The following GRAMD2A variants were observed in gnomAD, a reference collection of about 807,000 sequenced individuals.
GRAMD2A encodes GRAM domain containing 2A.
GRAMD2A carries 37 observed loss-of-function variants against 51.1 expected under a neutral mutation model. That is an observed-to-expected ratio of 0.72 (90% CI 0.56 to 0.95). GRAMD2A has a LOEUF of 0.95. GRAMD2A is among the 40% of genes least tolerant of loss of function. The pLI, the probability that GRAMD2A is intolerant of heterozygous loss-of-function variation, is 0.00. For synonymous variants in GRAMD2A, 136 were observed against 157.1 expected (o/e 0.87, Z 1.01); for missense variants, 414 against 426.9 (o/e 0.97, Z 0.27).
chr15:72,168,654 C>A (rs2081575730), intron 3 of GRAMD2A, 88 bp from the exon 4 acceptor site: 1 of 1,127,730 alleles, frequency 8.9e-7, no homozygotes, highest in Non-Finnish European at 1.4e-6. Context: ...ATGCCACAGC[C>A]CCCCGGCCCA....
chr15:72,173,397 TACTC>T (rs1442115879), intron 1 of GRAMD2A, among the ~76,000 whole-genome samples: 8 of 152,266 alleles, frequency 5.3e-5, no homozygotes, highest in Non-Finnish European at 1.2e-4. Context: ...CTGCTTCAGA[TACTC>T]ACTCACAGCA....
chr15:72,189,512 T>C (rs528289291), intron 1 of GRAMD2A, among the ~76,000 whole-genome samples: 1 of 152,366 alleles, frequency 6.6e-6, no homozygotes, highest in African/African-American at 2.4e-5. Flanking sequence ...TGTGGTATTT[T>C]ATAAAATTGA....
At chr15:72,186,483 C>CTTGCTT (rs2081735004) in intron 1 of GRAMD2A, among the ~76,000 whole-genome samples, 2 of 152,044 alleles carry the variant, frequency 1.3e-5, no homozygotes, top group Non-Finnish European at 2.9e-5. Context: ...TGCCACCACG[C>CTTGCTT]CCGGATAATT....
At chr15:72,177,661 A>C (rs1596691388) in intron 1 of GRAMD2A, among the ~76,000 whole-genome samples, 1 of 152,234 alleles carries the variant, frequency 6.6e-6, no homozygotes, top group East Asian at 1.9e-4. Context: ...TGTGCATGCA[A>C]GTATTCACTT....
At chr15:72,173,232 G>T (rs926639455) in intron 1 of GRAMD2A, among the ~76,000 whole-genome samples, 6 of 152,184 alleles carry the variant, frequency 3.9e-5, no homozygotes, top group Non-Finnish European at 5.9e-5. Context: ...CTTAGAAACT[G>T]GGTATAATTA....
At chr15:72,193,690 T>A (rs1312436865) in intron 1 of GRAMD2A, among the ~76,000 whole-genome samples, 1 of 151,516 alleles carries the variant, frequency 6.6e-6, no homozygotes, top group East Asian at 1.9e-4. Context: ...GCCTGGCTAA[T>A]TTTTTTTCTG....
chr15:72,170,353 G>A lies in GRAMD2A; in HGVS notation c.42-414C>T, dbSNP rs2081598172. On this transcript the variant is annotated intron_variant, in intron 1 of 11. Coordinates refer to ENST00000309731, the MANE Select transcript of GRAMD2A (RefSeq NM_001012642.3). This position sits in a 1 kb window ranked among gnomAD's most constrained non-coding sequence, Gnocchi z 4.5. ...TCCAAAGTACCCGCGCAGCATGACT[G>A]TAAACCATCAGGTTCCGGGAAAGTA... 1 of 458,352 alleles carries A rather than the reference G, an allele frequency of 2.2e-6. No individual in the cohort carries two copies. Among genetic ancestry groups the A allele is most frequent in the South Asian group, 1.5e-5 (1 of 64,580 alleles). 28.4% of individuals were successfully genotyped at this position (458,352 alleles called of 1,614,324 possible). A position where few individuals can be genotyped will look rare whatever the true frequency, so the allele number is the denominator to read the frequency against.
chr15:72,167,865 GC>G, intron 4 of GRAMD2A, 26 bp from the exon 5 acceptor site: 1 of 1,566,566 alleles, frequency 6.4e-7, no homozygotes, highest in Non-Finnish European at 8.8e-7. Flanking sequence ...AGAGAAAATG[GC>G]CATAAGCAAG....
At chr15:72,178,372 G>C (rs146486536) in intron 1 of GRAMD2A, among the ~76,000 whole-genome samples, 37 of 152,196 alleles carry the variant, frequency 2.4e-4, no homozygotes, top group African/African-American at 8.9e-4. Flanking sequence ...TGTCCTTCCC[G>C]AGAGACTCCC....
At chr15:72,180,196 A>G (rs1443604097) in intron 1 of GRAMD2A, among the ~76,000 whole-genome samples, 1 of 152,196 alleles carries the variant, frequency 6.6e-6, no homozygotes, top group Non-Finnish European at 1.5e-5. Flanking sequence ...AGGATTTCCT[A>G]CAAAGCATAG....
At chr15:72,163,894 C>T (rs1166646927) in intron 8 of GRAMD2A, 137 bp from the exon 9 acceptor site, 3 of 890,122 alleles carry the variant, frequency 3.4e-6, no homozygotes, top group East Asian at 5.4e-5. Flanking sequence ...GAAGCAGGTA[C>T]AAGCGAGGAG....
In GRAMD2A at chr15:72,171,226, T is replaced by G. The variant is rs188523417; in HGVS notation, c.42-1287A>C. Among the ~76,000 whole-genome samples, 13 of 152,286 alleles carry G rather than the reference T, an allele frequency of 8.5e-5. No homozygotes were observed. The East Asian group carries it at 2.1e-3, about 25-fold the overall frequency. On this transcript the variant is annotated intron_variant, in intron 1 of 11. Coordinates refer to ENST00000309731, the MANE Select transcript of GRAMD2A (RefSeq NM_001012642.3). ...GAAGTGACAGATTTTGCTAGAGATT[T>G]GACTCTCAAAGTTGATTTCTGGATT...
rs11296860 is a variant in GRAMD2A at position 72,160,333 on chromosome 15, C to CAAA, written c.*1673_*1675dup. 9.2e-6 allele frequency: 1 copy of CAAA among 109,104 alleles called. No individual in the cohort carries two copies. Among genetic ancestry groups the CAAA allele is most frequent in the African/African-American group, 3.4e-5 (1 of 29,356 alleles). The allele number at this position is 109,104 out of a possible 1,614,324, so 6.8% of individuals were successfully genotyped here. A position where few individuals can be genotyped will look rare whatever the true frequency, so the allele number is the denominator to read the frequency against. On this transcript the variant is annotated 3_prime_UTR_variant, in exon 12 of 12. Coordinates refer to ENST00000309731, the MANE Select transcript of GRAMD2A (RefSeq NM_001012642.3). Reference sequence around the variant, plus strand: ...ATGAAAGGGTGAAAGGGGCTGGTTCCAAAAAAAAAAAAAAAAAAAGGATGA... The same window carrying CAAA: ...ATGAAAGGGTGAAAGGGGCTGGTTCCAAAAAAAAAAAAAAAAAAAAAAGGATGA...
rs1418931240 is a variant in GRAMD2A, at chr15:72,170,426, AG to A, written c.42-488del. 1 of 455,936 alleles carries A rather than the reference AG, an allele frequency of 2.2e-6. No homozygotes were observed. Among genetic ancestry groups the A allele is most frequent in the African/African-American group, 2.0e-5 (1 of 50,068 alleles). The allele number at this position is 455,936 out of a possible 1,614,324, so 28.2% of individuals were successfully genotyped here. A position where few individuals can be genotyped will look rare whatever the true frequency, so the allele number is the denominator to read the frequency against. Reference sequence around the variant, plus strand: ...CAAAGCTCAGGAGCTGATGCGCTGAAGGTGTGGGAGGTGGACGCCCATCAGC... The same window carrying A: ...CAAAGCTCAGGAGCTGATGCGCTGAAGTGTGGGAGGTGGACGCCCATCAGC... On this transcript the variant is annotated intron_variant, in intron 1 of 11. Coordinates refer to ENST00000309731, the MANE Select transcript of GRAMD2A (RefSeq NM_001012642.3). The surrounding 1 kb of genome is among the most constrained non-coding windows in gnomAD (Gnocchi z 4.5).
chr15:72,178,568 CTTTTTTTTTT>C (rs537075334), intron 1 of GRAMD2A, among the ~76,000 whole-genome samples: 291 of 84,196 alleles, frequency 3.5e-3, no homozygotes, highest in African/African-American at 0.013. Context: ...CTTGCACTTT[CTTTTTTTTTT>C]TTTTTTTTTT....
intron 1 of GRAMD2A, among the ~76,000 whole-genome samples, chr15:72,174,363 G>A (rs1235728732): frequency 3.9e-5 from 6 of 152,102 alleles, no homozygotes; most frequent in African/African-American, 7.2e-5. Flanking sequence ...GCAGGCAGCC[G>A]CTGTAGACTC....
intron 1 of GRAMD2A, among the ~76,000 whole-genome samples, chr15:72,179,120 G>A (rs938580750): frequency 2.0e-5 from 3 of 152,194 alleles, no homozygotes; most frequent in Non-Finnish European, 2.9e-5. Context: ...GAAGGGTTCT[G>A]AGAACACCCA....
intron 1 of GRAMD2A, among the ~76,000 whole-genome samples, chr15:72,174,650 G>T (rs1213308226): frequency 2.6e-5 from 4 of 152,134 alleles, no homozygotes; most frequent in East Asian, 1.9e-4. Context: ...AGGCAGGAAG[G>T]CCCCTCCCTA....
At chr15:72,175,806 T>C (rs2081648382) in intron 1 of GRAMD2A, 1 of 152,248 alleles carries the variant, frequency 6.6e-6, no homozygotes, top group Admixed American at 6.5e-5. Flanking sequence ...ATCCCCAGCA[T>C]ACAGCCAGCA....
Sources: gnomAD v4.1 joint callset for allele counts (sites outside exome capture counted in the v4.1 genomes callset) on GRCh38, gnomAD v4.1.1 for gene constraint, Gnocchi (gnomAD v3.1) non-coding constraint, MANE v1.5 for transcripts, NCBI Gene and HGNC (gene_info 2026-07-23, HGNC 2026-07-21) for gene names.